Variants in GRM3 observed in about 807,000 individuals in gnomAD.
GRM3 encodes glutamate metabotropic receptor 3, also known as metabotropic glutamate receptor 3.
A neutral mutation model predicts 70.5 loss-of-function variants in GRM3; 26 were observed. That is an observed-to-expected ratio of 0.37 (90% confidence interval 0.27 to 0.51). The LOEUF (loss-of-function observed/expected upper bound fraction) is 0.51, where lower values mean the gene tolerates loss of function less well. Among genes scored for constraint, GRM3 ranks in the 20% least tolerant of loss-of-function variants. The probability of loss-of-function intolerance (pLI) is 0.93; values close to 1 mark genes in which losing one functional copy is unlikely to be tolerated. For synonymous variants in GRM3, 443 were observed against 434.9 expected, an observed-to-expected ratio of 1.02 and a Z score of -0.23; for missense variants, 859 against 1,123.8, an observed-to-expected ratio of 0.76 and a Z score of 3.37.
chr7:86,729,623 T>C (rs1253048991), intron 1 of GRM3, among the ~76,000 whole-genome samples: 1 of 152,242 alleles, frequency 6.6e-6, no homozygotes, highest in Non-Finnish European at 1.5e-5. Context: ...TATATACGCA[T>C]ATGAAATTAT....
intron 1 of GRM3, among the ~76,000 whole-genome samples, chr7:86,759,287 T>C (rs974969825): frequency 6.6e-6 from 1 of 152,124 alleles, no homozygotes; most frequent in Admixed American, 6.6e-5. Flanking sequence ...TTTCTTCCTG[T>C]AAAAAATCAA....
chr7:86,658,023 ACT>A (rs1204423107), intron 1 of GRM3, among the ~76,000 whole-genome samples: 2 of 152,198 alleles, frequency 1.3e-5, no homozygotes, highest in African/African-American at 4.8e-5. Context: ...CAAAATTCTA[ACT>A]CTCTGAAAAT....
Position 86,861,496 on chromosome 7 carries a change from C to T in GRM3, c.2567-2786C>T, listed in dbSNP as rs565358444. Among the ~76,000 whole-genome samples the T allele has an allele frequency of 1.3e-3, 202 of 152,258 alleles. 1 individual carries two copies. Among genetic ancestry groups the T allele is most frequent in the African/African-American group, 4.5e-3 (188 of 41,546 alleles). ...TGAGTTTCAAAACTGGGTGATGTGACAGTAACTGATTGGCTATTATTTTAA... is the reference window on the plus strand; with the variant it reads ...TGAGTTTCAAAACTGGGTGATGTGATAGTAACTGATTGGCTATTATTTTAA... On this transcript the variant is annotated intron_variant, in intron 5 of 5. Transcript: ENST00000361669.
chr7:86,754,973 G>C (rs958357755), intron 1 of GRM3, among the ~76,000 whole-genome samples: 1 of 152,242 alleles, frequency 6.6e-6, no homozygotes, highest in Non-Finnish European at 1.5e-5. Flanking sequence ...CTCTACCAGA[G>C]AGAGGATGTT....
intron 4 of GRM3, among the ~76,000 whole-genome samples, chr7:86,848,545 G>C (rs1341812627): frequency 1.3e-5 from 2 of 152,106 alleles, no homozygotes; most frequent in East Asian, 1.9e-4. Flanking sequence ...TGAGTGAGTT[G>C]ACTGGGAGAT....
intron 1 of GRM3, among the ~76,000 whole-genome samples, chr7:86,726,357 T>C (rs1795593445): frequency 6.6e-6 from 1 of 152,168 alleles, no homozygotes; most frequent in Non-Finnish European, 1.5e-5. Flanking sequence ...TGAATACATC[T>C]AATTTCTCTG....
chr7:86,661,215 T>G (rs1247570566), intron 1 of GRM3, among the ~76,000 whole-genome samples: 6 of 151,994 alleles, frequency 3.9e-5, no homozygotes, highest in African/African-American at 1.4e-4. Flanking sequence ...GTAACTAGAT[T>G]TGCTTAATGC....
intron 1 of GRM3, among the ~76,000 whole-genome samples, chr7:86,711,682 T>C (rs758950054): frequency 3.3e-5 from 5 of 152,078 alleles, no homozygotes; most frequent in African/African-American, 4.8e-5. Context: ...TCACAACTTA[T>C]AGTTAATTAA....
intron 3 of GRM3, among the ~76,000 whole-genome samples, chr7:86,834,620 C>G (rs1475510970): frequency 7.0e-6 from 1 of 143,448 alleles, no homozygotes. Context: ...TTGTTTTAGT[C>G]TCTTTCAATC....
intron 1 of GRM3, among the ~76,000 whole-genome samples, chr7:86,705,219 GTCTT>G (rs752458000): frequency 4.1e-4 from 62 of 151,828 alleles, no homozygotes; most frequent in Admixed American, 1.3e-3. Context: ...CCTTCCTTCT[GTCTT>G]TCTTTTAAAT....
intron 3 of GRM3, among the ~76,000 whole-genome samples, chr7:86,792,746 G>A (rs1797450121): frequency 6.6e-6 from 1 of 152,156 alleles, no homozygotes; most frequent in Non-Finnish European, 1.5e-5. Flanking sequence ...ATAAAAGCAT[G>A]ATTATTATGG....
intron 1 of GRM3, among the ~76,000 whole-genome samples, chr7:86,720,327 T>C (rs1795427244): frequency 1.3e-5 from 2 of 152,062 alleles, no homozygotes; most frequent in South Asian, 2.1e-4. Flanking sequence ...ATCAAGTGTA[T>C]CATGTGGGGC....
chr7:86,803,261 C>T (rs1264766848), intron 3 of GRM3, among the ~76,000 whole-genome samples: 1 of 152,098 alleles, frequency 6.6e-6, no homozygotes, highest in Non-Finnish European at 1.5e-5. Context: ...AATGTAAAGC[C>T]AACATCCAGA....
intron 3 of GRM3, among the ~76,000 whole-genome samples, chr7:86,833,855 T>C (rs1584271101): frequency 6.6e-6 from 1 of 152,186 alleles, no homozygotes; most frequent in East Asian, 1.9e-4. Flanking sequence ...AATGTATGCA[T>C]TTGAAGTAAT....
At chr7:86,673,243 C>G (rs1794217746) in intron 1 of GRM3, among the ~76,000 whole-genome samples, 1 of 152,188 alleles carries the variant, frequency 6.6e-6, no homozygotes, top group African/African-American at 2.4e-5. Flanking sequence ...AGACTTTCCT[C>G]TCTACTCAAC....
chr7:86,831,865 G>A (rs1018125417), intron 3 of GRM3, among the ~76,000 whole-genome samples: 7 of 148,908 alleles, frequency 4.7e-5, no homozygotes, highest in Admixed American at 1.3e-4. Flanking sequence ...GGCATGTTAC[G>A]TATTTACTGA....
intron 1 of GRM3, among the ~76,000 whole-genome samples, chr7:86,707,031 T>C (rs1429343588): frequency 2.0e-5 from 3 of 152,074 alleles, no homozygotes; most frequent in Non-Finnish European, 4.4e-5. Flanking sequence ...TTCCCTAGAA[T>C]ACTAAATTAG....
chr7:86,782,512 T>C (rs1272431996), intron 2 of GRM3, among the ~76,000 whole-genome samples: 1 of 152,226 alleles, frequency 6.6e-6, no homozygotes, highest in Non-Finnish European at 1.5e-5. Flanking sequence ...TGTATCTTCC[T>C]GCCACATCTT....
At chr7:86,718,597 G>A (rs1795378663) in intron 1 of GRM3, among the ~76,000 whole-genome samples, 2 of 151,934 alleles carry the variant, frequency 1.3e-5, no homozygotes, top group Admixed American at 1.3e-4. Context: ...GAGCACAGTT[G>A]TTTCAACATT....
Sources: gnomAD v4.1 joint callset for allele counts (sites outside exome capture counted in the v4.1 genomes callset) on GRCh38, gnomAD v4.1.1 for gene constraint, MANE v1.5 for transcripts, NCBI Gene and HGNC (gene_info 2026-07-23, HGNC 2026-07-21) for gene names.